LAMA2: variants seen among roughly 807,000 people sequenced by gnomAD.
LAMA2 encodes the protein laminin subunit alpha 2, also known as laminin subunit alpha-2.
A neutral mutation model predicts 364.8 loss-of-function variants in LAMA2; 269 were observed. The observed-to-expected ratio is 0.74, with a 90% CI of 0.67 to 0.82. The LOEUF is 0.82. Ranked by LOEUF, LAMA2 falls within the 40% of genes least tolerant of loss-of-function variation. The probability of loss-of-function intolerance (pLI) is 0.00; values close to 1 mark genes in which losing one functional copy is unlikely to be tolerated. For missense variants in LAMA2, 3,807 were observed against 3,873.2 expected (o/e 0.98, Z 0.45); for synonymous variants, 1,379 against 1,370.6 (o/e 1.01, Z -0.14).
intron 44 of LAMA2, among the ~76,000 whole-genome samples, chr6:129,445,220 G>A (rs536272130): frequency 3.9e-5 from 6 of 152,098 alleles, no homozygotes; most frequent in Non-Finnish European, 8.8e-5. Flanking sequence ...AAAAAAAGAC[G>A]GTGAGAAAAA....
Position 129,295,457 on chromosome 6 carries a change from CCTT to C in LAMA2, c.2857-2227_2857-2225del, listed in dbSNP as rs147879728. On this transcript the variant is annotated intron_variant, in intron 20 of 64. Coordinates refer to ENST00000421865, the MANE Select transcript of LAMA2 (RefSeq NM_000426.4). ...CAATTACTGACCATGAATGTCTGCT[CCTT>C]AAGTTTGTTTACTAGTGGGGTTTTC... Among the ~76,000 whole-genome samples, 1,455 of 152,132 alleles carry C rather than the reference CCTT, an allele frequency of 9.6e-3. 18 individuals carry two copies. The highest frequency in any genetic ancestry group is 0.033 in the African/African-American group (1,369 of 41,502).
intron 16 of LAMA2, 93 bp from the exon 17 acceptor site, chr6:129,270,531 G>C: frequency 3.2e-6 from 4 of 1,243,458 alleles, no homozygotes; most frequent in Non-Finnish European, 4.7e-6. Context: ...CTTGCTGGCA[G>C]GGAGCAGACT....
chr6:129,462,658 T>G (rs1011001795), intron 49 of LAMA2, among the ~76,000 whole-genome samples: 5 of 152,018 alleles, frequency 3.3e-5, no homozygotes, highest in African/African-American at 1.2e-4. Flanking sequence ...TACACACTTG[T>G]GTAAGTTTTT....
At chr6:128,923,381 T>C (rs1473631145) in intron 1 of LAMA2, among the ~76,000 whole-genome samples, 2 of 151,402 alleles carry the variant, frequency 1.3e-5, no homozygotes, top group East Asian at 3.9e-4. Context: ...CTCTTTTATT[T>C]CCTTGAGCAG....
intron 4 of LAMA2, among the ~76,000 whole-genome samples, chr6:129,118,959 A>G (rs1434247531): frequency 2.0e-5 from 3 of 152,226 alleles, no homozygotes; most frequent in Non-Finnish European, 4.4e-5. Flanking sequence ...TTGTTGTAAT[A>G]TTTAAAAATG....
At chr6:128,950,989 T>C (rs1316012890) in intron 1 of LAMA2, among the ~76,000 whole-genome samples, 1 of 152,166 alleles carries the variant, frequency 6.6e-6, no homozygotes, top group Non-Finnish European at 1.5e-5. Flanking sequence ...ATTTCAATTA[T>C]TGAAACTTTT....
At chr6:128,950,718 T>C (rs191828361) in intron 1 of LAMA2, among the ~76,000 whole-genome samples, 25 of 152,150 alleles carry the variant, frequency 1.6e-4, no homozygotes, top group African/African-American at 5.8e-4. Flanking sequence ...ATAAGTATTG[T>C]GAGGATTATA....
intron 1 of LAMA2, among the ~76,000 whole-genome samples, chr6:128,908,118 T>G (rs367759352): frequency 1.3e-5 from 2 of 150,710 alleles, no homozygotes; most frequent in African/African-American, 4.9e-5. Context: ...TGTCTCTGCC[T>G]GGCTTTGGTA....
intron 1 of LAMA2, among the ~76,000 whole-genome samples, chr6:128,983,994 C>T (rs1055174461): frequency 4.6e-5 from 7 of 152,022 alleles, no homozygotes; most frequent in Admixed American, 1.3e-4. Context: ...TTTTTTCCTT[C>T]GCTAAACTGA....
chr6:129,458,430 A>G lies in LAMA2; in HGVS notation c.6868-1770A>G, dbSNP rs184854401. Among the ~76,000 whole-genome samples the G allele has an allele frequency of 3.5e-3, 532 of 152,216 alleles. 9 individuals are homozygous for G. Among genetic ancestry groups the G allele is most frequent in the Admixed American group, 0.032 (487 of 15,272 alleles). On this transcript the variant is annotated intron_variant, in intron 48 of 64. Transcript: ENST00000421865. ...GGAAATCATTTTGGCCAAGAATTTC[A>G]AGACTACTGCCACACCAGAATATGA...
chr6:128,991,796 G>GC (rs1370570615), intron 1 of LAMA2, among the ~76,000 whole-genome samples: 2 of 152,026 alleles, frequency 1.3e-5, no homozygotes, highest in African/African-American at 4.8e-5. Context: ...CTTTCTATGT[G>GC]CCCCTGACAT....
intron 41 of LAMA2, among the ~76,000 whole-genome samples, chr6:129,436,339 A>G (rs1781832087): frequency 1.3e-5 from 2 of 152,118 alleles, no homozygotes; most frequent in South Asian, 2.1e-4. Context: ...CAGCATATAT[A>G]TGGTGCATCT....
intron 3 of LAMA2, among the ~76,000 whole-genome samples, chr6:129,086,940 AC>A (rs1430833312): frequency 6.6e-6 from 1 of 152,016 alleles, no homozygotes; most frequent in Non-Finnish European, 1.5e-5. Context: ...TTGGCTCATG[AC>A]CCCTTCCTCC....
chr6:128,921,516 C>G (rs1778710801), intron 1 of LAMA2, among the ~76,000 whole-genome samples: 1 of 151,924 alleles, frequency 6.6e-6, no homozygotes, highest in Non-Finnish European at 1.5e-5. Flanking sequence ...GGAGGAGATA[C>G]AGAAATACAG....
chr6:129,101,333 A>G (rs531509742), intron 4 of LAMA2, among the ~76,000 whole-genome samples: 1 of 152,344 alleles, frequency 6.6e-6, no homozygotes, highest in African/African-American at 2.4e-5. Flanking sequence ...TAAACTCGGT[A>G]CATACAGAAT....
intron 18 of LAMA2, among the ~76,000 whole-genome samples, chr6:129,287,194 C>A (rs1033070944): frequency 6.6e-6 from 1 of 150,774 alleles, no homozygotes; most frequent in African/African-American, 2.4e-5. Flanking sequence ...AGTTCAGTAT[C>A]ACCTTATGGC....
chr6:129,339,152 G>T (rs1321815569), intron 29 of LAMA2, among the ~76,000 whole-genome samples: 1 of 152,148 alleles, frequency 6.6e-6, no homozygotes, highest in African/African-American at 2.4e-5. Context: ...ATGGAGACAG[G>T]ATCTTTAGCT....
rs566038803 is a variant in LAMA2, at chr6:129,402,471, T to C, written c.5710T>C (p.Ser1904Pro). The change falls in exon 39 of 65, where the codon TCT becomes CCT. Residue 1904 changes from serine (S) to proline (P), a missense_variant. By Grantham distance (74) the Ser-to-Pro change is moderately conservative (BLOSUM62 -1). Around this residue, in one of 3 missense-constraint regions of LAMA2, gnomAD observed 3,333 missense variants for 3,345.7 expected, o/e 1.00. Transcript: ENST00000421865. ...CCACGCAGCTCAGTTGAATGACTCATCTGCTGTCCTTGATGGGTATGTCAT... is the reference window on the plus strand; with the variant it reads ...CCACGCAGCTCAGTTGAATGACTCACCTGCTGTCCTTGATGGGTATGTCAT... ...ESHAAQLNDS[S>P]AVLDGILDEA... 1 of 1,614,130 alleles carries C rather than the reference T, an allele frequency of 6.2e-7. No individual in the cohort carries two copies. The highest frequency in any genetic ancestry group is 1.7e-5 in the Admixed American group (1 of 60,016).
At chr6:129,157,847 G>A (rs1779211673) in intron 8 of LAMA2, 5 of 1,614,028 alleles carry the variant, frequency 3.1e-6, no homozygotes, top group Non-Finnish European at 4.2e-6. Flanking sequence ...CAGCCATGAT[G>A]TAGGGCTGGA....
Sources: allele counts gnomAD v4.1 joint callset (sites outside exome capture counted in the v4.1 genomes callset), GRCh38; gene constraint gnomAD v4.1.1; regional missense constraint gnomAD v4.1.1; transcripts MANE v1.5; gene names NCBI Gene and HGNC (gene_info 2026-07-23, HGNC 2026-07-21).